Variants in CHCHD6 observed in about 807,000 individuals in gnomAD.
CHCHD6 encodes MICOS complex subunit MIC25.
Under a neutral mutation model 32.3 loss-of-function variants are expected in CHCHD6, and 28 were observed. The observed-to-expected ratio is 0.87, with a 90% confidence interval of 0.64 to 1.19. CHCHD6 has a LOEUF of 1.19. Among genes scored for constraint, CHCHD6 ranks in the 50% most tolerant of loss-of-function variants. CHCHD6 has a pLI of 0.00. For missense variants in CHCHD6, 333 were observed against 307.0 expected, an observed-to-expected ratio of 1.08 and a Z score of -0.63; for synonymous variants, 122 against 117.5, an observed-to-expected ratio of 1.04 and a Z score of -0.25.
rs58750065 is a variant in CHCHD6, at chr3:126,956,600, C to CGAGA, written c.567-791_567-788dup. 4.8e-3 allele frequency among the ~76,000 whole-genome samples: 726 copies of CGAGA among 149,756 alleles called. 5 individuals carry two copies. Among genetic ancestry groups the CGAGA allele is most frequent in the African/African-American group, 0.014 (581 of 40,450 alleles). On this transcript the variant is annotated intron_variant, in intron 6 of 7. Transcript: ENST00000290913. Reference sequence around the variant, plus strand: ...GCTGTTGTGTGTGTCAGTGTGCGCACGAGAGAGAGAGAGAGAGAGAGAGAG... The same window carrying CGAGA: ...GCTGTTGTGTGTGTCAGTGTGCGCACGAGAGAGAGAGAGAGAGAGAGAGAGAGAG...
At chr3:126,835,022 T>C (rs1449904684) in intron 4 of CHCHD6, among the ~76,000 whole-genome samples, 1 of 152,126 alleles carries the variant, frequency 6.6e-6, no homozygotes, top group Non-Finnish European at 1.5e-5. Flanking sequence ...CAAGGAAAAG[T>C]GTTTTTCCAG....
intron 4 of CHCHD6, chr3:126,766,907 C>A (rs1576390496): frequency 9.5e-7 from 1 of 1,047,298 alleles, no homozygotes; most frequent in East Asian, 2.4e-5. Context: ...TCTGCGTGGC[C>A]CAGCCGGCCA....
chr3:126,751,685 T>C (rs997965904), intron 4 of CHCHD6, among the ~76,000 whole-genome samples: 1 of 152,150 alleles, frequency 6.6e-6, no homozygotes, highest in African/African-American at 2.4e-5. Flanking sequence ...GCAGCTAGGA[T>C]TGGAGGCTGC....
intron 4 of CHCHD6, among the ~76,000 whole-genome samples, chr3:126,773,334 C>T (rs1049738881): frequency 6.6e-6 from 1 of 152,074 alleles, no homozygotes; most frequent in Non-Finnish European, 1.5e-5. Context: ...TTCAGGCAGC[C>T]GTCAGACAGG....
At chr3:126,848,117 T>C (rs919507713) in intron 4 of CHCHD6, among the ~76,000 whole-genome samples, 2 of 152,186 alleles carry the variant, frequency 1.3e-5, no homozygotes, top group African/African-American at 4.8e-5. Context: ...GTAGCGGGCA[T>C]GTGCCACCAT....
In CHCHD6 at chr3:126,785,918, G is replaced by C. The variant is rs182008939; in HGVS notation, c.411+52696G>C. Among the ~76,000 whole-genome samples the C allele has an allele frequency of 1.7e-3, 264 of 152,272 alleles. 1 individual carries two copies. The highest frequency in any genetic ancestry group is 6.1e-3 in the African/African-American group (253 of 41,552). On this transcript the variant is annotated intron_variant, in intron 4 of 7. Coordinates refer to ENST00000290913, the MANE Select transcript of CHCHD6 (RefSeq NM_032343.3). ...ATGTATACATGTGCCATGTTGGTGT[G>C]CTGCACCCATAAACTTGTCATTTAC...
chr3:126,816,640 G>A (rs1468011240), intron 4 of CHCHD6, among the ~76,000 whole-genome samples: 3 of 152,154 alleles, frequency 2.0e-5, no homozygotes, highest in Non-Finnish European at 4.4e-5. Flanking sequence ...AGATGTACCT[G>A]CAGTGTTGGG....
intron 5 of CHCHD6, among the ~76,000 whole-genome samples, chr3:126,902,269 A>G (rs1043087501): frequency 2.0e-5 from 3 of 152,242 alleles, no homozygotes; most frequent in Non-Finnish European, 2.9e-5. Context: ...AGGTATTGCC[A>G]GTGCACGGCC....
intron 4 of CHCHD6, among the ~76,000 whole-genome samples, chr3:126,744,952 G>C (rs1936432181): frequency 6.6e-6 from 1 of 152,218 alleles, no homozygotes; most frequent in Non-Finnish European, 1.5e-5. Flanking sequence ...TCTCCTCGTG[G>C]TGGCAGAGGG....
chr3:126,797,126 C>G (rs1229587824), intron 4 of CHCHD6, among the ~76,000 whole-genome samples: 3 of 152,210 alleles, frequency 2.0e-5, no homozygotes, highest in Admixed American at 6.5e-5. Flanking sequence ...TTCTGTGTCT[C>G]TCTCTGCAGG....
At chr3:126,716,686 C>T (rs769095034) in intron 1 of CHCHD6, among the ~76,000 whole-genome samples, 18 of 152,172 alleles carry the variant, frequency 1.2e-4, no homozygotes, top group East Asian at 5.8e-4. Flanking sequence ...GGAATCCCTG[C>T]GCCTGTGGAG....
At chr3:126,834,305 A>C (rs115496468) in intron 4 of CHCHD6, among the ~76,000 whole-genome samples, 1,527 of 152,272 alleles carry the variant, frequency 0.01, 28 homozygotes, top group African/African-American at 0.035. Context: ...AATTAGAATA[A>C]TTATAGGATA....
At chr3:126,899,673 C>T (rs2077894037) in intron 5 of CHCHD6, among the ~76,000 whole-genome samples, 2 of 152,142 alleles carry the variant, frequency 1.3e-5, no homozygotes, top group African/African-American at 4.8e-5. Context: ...GAGCACAGCT[C>T]TTTTTTTGTT....
intron 4 of CHCHD6, among the ~76,000 whole-genome samples, chr3:126,821,070 C>A (rs1940126686): frequency 6.6e-6 from 1 of 152,124 alleles, no homozygotes; most frequent in Non-Finnish European, 1.5e-5. Context: ...ATATTTAAGG[C>A]CATACAATAT....
chr3:126,795,204 A>G (rs901099908), intron 4 of CHCHD6, among the ~76,000 whole-genome samples: 10 of 152,150 alleles, frequency 6.6e-5, no homozygotes, highest in Admixed American at 4.6e-4. Context: ...TGGTAGAGAC[A>G]TGCAGACCTC....
At chr3:126,772,226 C>T (rs974330470) in intron 4 of CHCHD6, among the ~76,000 whole-genome samples, 6 of 152,090 alleles carry the variant, frequency 3.9e-5, no homozygotes, top group African/African-American at 9.7e-5. Context: ...CTCAGCCTCC[C>T]GAGTAGCTGG....
chr3:126,911,496 G>A (rs1391838936), intron 5 of CHCHD6, among the ~76,000 whole-genome samples: 4 of 152,216 alleles, frequency 2.6e-5, no homozygotes, highest in East Asian at 1.9e-4. Context: ...AGGGAGCTGC[G>A]GTTGTGAGGA....
At chr3:126,948,477 G>T (rs928890499) in intron 6 of CHCHD6, among the ~76,000 whole-genome samples, 4 of 152,180 alleles carry the variant, frequency 2.6e-5, no homozygotes, top group African/African-American at 9.7e-5. Context: ...CTTCACAAGA[G>T]AATATGAATG....
intron 4 of CHCHD6, among the ~76,000 whole-genome samples, chr3:126,747,094 G>C (rs1441277841): frequency 1.3e-5 from 2 of 152,176 alleles, no homozygotes; most frequent in African/African-American, 2.4e-5. Flanking sequence ...ACTACTGGTT[G>C]CTTCTCTTCC....
Sources: allele counts gnomAD v4.1 joint callset (sites outside exome capture counted in the v4.1 genomes callset), GRCh38; gene constraint gnomAD v4.1.1; transcripts MANE v1.5; gene names NCBI Gene and HGNC (gene_info 2026-07-23, HGNC 2026-07-21).